Variants in TMCC1 observed in about 807,000 individuals in gnomAD.
TMCC1 encodes the protein transmembrane and coiled-coil domains protein 1.
TMCC1 carries 15 observed loss-of-function variants against 52.4 expected under a neutral mutation model. The observed-to-expected ratio is 0.29, with a 90% CI of 0.19 to 0.44. TMCC1 has a LOEUF of 0.44. Among genes scored for constraint, TMCC1 ranks in the 20% least tolerant of loss-of-function variants. The pLI is 1.00. For missense variants in TMCC1, 503 were observed against 806.0 expected, an observed-to-expected ratio of 0.62 and a Z score of 4.55; for synonymous variants, 279 against 301.9, an observed-to-expected ratio of 0.92 and a Z score of 0.79.
chr3:129,794,929 G>T (rs1329666314), intron 4 of TMCC1, among the ~76,000 whole-genome samples: 1 of 152,188 alleles, frequency 6.6e-6, no homozygotes, highest in East Asian at 1.9e-4. Context: ...TGAAAAAAAA[G>T]GAGGTGGTGA....
rs368685429 is a variant in TMCC1 at position 129,840,326 on chromosome 3, C to CAAAAA, written c.-183-7505_-183-7501dup. On this transcript the variant is annotated intron_variant, in intron 2 of 6. Coordinates refer to ENST00000393238, the MANE Select transcript of TMCC1 (RefSeq NM_001017395.5). The stretch of plus-strand genomic sequence containing the variant: ...AGGGTGACAGAGTGAGAACCTGTCT[C>CAAAAA]AAAAAAAAAAAAAAAAAAGCAAGAT... Among the ~76,000 whole-genome samples the CAAAAA allele has an allele frequency of 1.4e-3, 127 of 87,928 alleles. 3 individuals are homozygous for CAAAAA. The highest frequency in any genetic ancestry group is 2.7e-3 in the African/African-American group (54 of 19,944). The allele number at this position is 87,928 out of a possible 152,430, so 57.7% of individuals were successfully genotyped here. A position where few individuals can be genotyped will look rare whatever the true frequency, so the allele number is the denominator to read the frequency against.
At chr3:129,669,096 A>C (rs1208538884) in intron 5 of TMCC1, among the ~76,000 whole-genome samples, 2 of 152,244 alleles carry the variant, frequency 1.3e-5, no homozygotes, top group Admixed American at 6.5e-5. Context: ...TACTGATTAG[A>C]GTTTTCACCA....
At chr3:129,690,658 T>C (rs2046964898) in intron 4 of TMCC1, among the ~76,000 whole-genome samples, 3 of 152,284 alleles carry the variant, frequency 2.0e-5, no homozygotes, top group South Asian at 4.1e-4. Context: ...TATCCTCTCT[T>C]ACCCTACCAC....
intron 4 of TMCC1, among the ~76,000 whole-genome samples, chr3:129,760,776 T>C (rs1005346530): frequency 8.1e-5 from 12 of 147,328 alleles, no homozygotes; most frequent in African/African-American, 2.8e-4. Context: ...CGCACCCGGC[T>C]AATTTTTGTA....
Position 129,695,808 on chromosome 3 carries a change from A to C in TMCC1, c.577-24544T>G, listed in dbSNP as rs181725487. ...AAACCAATCATGCCTTTGAGGACTAAGCTCTGATTTTTGTAAATCTTGCCC... is the reference window on the plus strand; with the variant it reads ...AAACCAATCATGCCTTTGAGGACTACGCTCTGATTTTTGTAAATCTTGCCC... On this transcript the variant is annotated intron_variant, in intron 4 of 6. Transcript: ENST00000393238. Among the ~76,000 whole-genome samples the C allele has an allele frequency of 9.9e-5, 15 of 152,240 alleles. No individual in the cohort carries two copies. The East Asian group carries it at 2.3e-3, about 24-fold the overall frequency.
At chr3:129,847,196 G>A (rs1017740616) in intron 2 of TMCC1, 9 of 152,166 alleles carry the variant, frequency 5.9e-5, no homozygotes, top group Non-Finnish European at 1.0e-4. Flanking sequence ...TAAATGTAAT[G>A]TGAACCAATG....
chr3:129,751,593 T>G (rs1218073192), intron 4 of TMCC1, among the ~76,000 whole-genome samples: 1 of 150,734 alleles, frequency 6.6e-6, no homozygotes, highest in Non-Finnish European at 1.5e-5. Flanking sequence ...GACAGAGTCT[T>G]GCTCTGTCAC....
chr3:129,714,982 A>G (rs1289692251), intron 4 of TMCC1, among the ~76,000 whole-genome samples: 6 of 152,188 alleles, frequency 3.9e-5, no homozygotes, highest in Non-Finnish European at 8.8e-5. Context: ...ATAATACTGG[A>G]TGGCTCAGCA....
intron 4 of TMCC1, among the ~76,000 whole-genome samples, chr3:129,815,170 T>TA (rs1020215622): frequency 5.3e-5 from 8 of 151,132 alleles, no homozygotes; most frequent in South Asian, 2.1e-4. Flanking sequence ...TCTCAACGAT[T>TA]AAAAAAAAAT....
At chr3:129,668,689 G>C (rs372244574) in intron 5 of TMCC1, among the ~76,000 whole-genome samples, 1 of 152,164 alleles carries the variant, frequency 6.6e-6, no homozygotes, top group Admixed American at 6.5e-5. Context: ...GTGATGGCAC[G>C]ATCTCGGCTC....
intron 4 of TMCC1, among the ~76,000 whole-genome samples, chr3:129,788,487 G>A (rs910827739): frequency 6.6e-6 from 1 of 151,514 alleles, no homozygotes; most frequent in Non-Finnish European, 1.5e-5. Context: ...TTTTTAGACA[G>A]AGTGTTGCTC....
At chr3:129,758,127 G>A (rs143384781) in intron 4 of TMCC1, among the ~76,000 whole-genome samples, 1 of 152,238 alleles carries the variant, frequency 6.6e-6, no homozygotes, top group East Asian at 1.9e-4. Context: ...TATGCTAGTT[G>A]GTAAATTTGT....
intron 4 of TMCC1, among the ~76,000 whole-genome samples, chr3:129,772,762 AAT>A (rs1390120944): frequency 4.0e-4 from 61 of 152,026 alleles, no homozygotes; most frequent in African/African-American, 1.3e-3. Context: ...ACAGAAAAAA[AAT>A]AAACGGCCTT....
chr3:129,767,994 C>G (rs2054264488), intron 4 of TMCC1, among the ~76,000 whole-genome samples: 1 of 152,146 alleles, frequency 6.6e-6, no homozygotes, highest in African/African-American at 2.4e-5. Flanking sequence ...AGTTTGAGAC[C>G]AGCCTGGTCA....
chr3:129,816,179 C>T (rs1303873423), intron 4 of TMCC1, among the ~76,000 whole-genome samples: 1 of 152,088 alleles, frequency 6.6e-6, no homozygotes, highest in Non-Finnish European at 1.5e-5. Context: ...ACGGAGGTTC[C>T]TTTAAAAATT....
intron 4 of TMCC1, among the ~76,000 whole-genome samples, chr3:129,731,313 C>T (rs2050518956): frequency 6.6e-6 from 1 of 152,236 alleles, no homozygotes; most frequent in African/African-American, 2.4e-5. Context: ...CGCGGTGGCT[C>T]ACACCTGTAA....
In TMCC1 at chr3:129,670,384, T is replaced by A. The variant is rs1442105453; in HGVS notation, c.1457A>T (p.His486Leu). ...TATTAAGGAATAGTCCCTCTGATAA[T>A]GTTCCTTGAGAGTCTCAAAGGATTC... is the stretch of plus-strand genomic sequence containing the variant. ...LEESFETLKE[H>L]YQRDYSLIMQ... The change falls in exon 5 of 7, where the codon CAT (histidine) becomes CTT (leucine). Residue 486 changes from histidine to leucine, a missense_variant. Coordinates refer to ENST00000393238, the MANE Select transcript of TMCC1 (RefSeq NM_001017395.5). 6.2e-7 allele frequency: 1 copy of A among 1,614,228 alleles called. No homozygotes were observed. Among genetic ancestry groups the A allele is most frequent in the African/African-American group, 1.3e-5 (1 of 75,062 alleles).
intron 5 of TMCC1, among the ~76,000 whole-genome samples, chr3:129,667,838 T>G (rs1178397398): frequency 6.6e-6 from 1 of 152,144 alleles, no homozygotes; most frequent in Admixed American, 6.5e-5. Flanking sequence ...CATAACAAGC[T>G]CTATATGAAT....
chr3:129,650,029 T>C lies in TMCC1; in HGVS notation c.*1452A>G, dbSNP rs970847073. ...AAACTTGGGTCCTGCTAACCTGACA[T>C]TTCCTTCACTGCTCTTTAGGAGAAT... On this transcript the variant is annotated 3_prime_UTR_variant, in exon 7 of 7. Transcript: ENST00000393238. 1.3e-5 allele frequency: 2 copies of C among 152,616 alleles called. No individual in the cohort carries two copies. The highest frequency in any genetic ancestry group is 4.8e-5 in the African/African-American group (2 of 41,438). The allele number at this position is 152,616 out of a possible 1,614,324, so 9.5% of individuals were successfully genotyped here.
Sources: allele counts gnomAD v4.1 joint callset (sites outside exome capture counted in the v4.1 genomes callset), GRCh38; gene constraint gnomAD v4.1.1; transcripts MANE v1.5; gene names NCBI Gene and HGNC (gene_info 2026-07-23, HGNC 2026-07-21).